EYS: variants seen among roughly 807,000 people sequenced by gnomAD.
EYS encodes protein eyes shut homolog.
A neutral mutation model predicts 282.1 loss-of-function variants in EYS; 250 were observed. The ratio of observed to expected loss-of-function variants is 0.89; its 90% CI spans 0.80 to 0.98. The LOEUF (loss-of-function observed/expected upper bound fraction) is 0.98, where lower values mean the gene tolerates loss of function less well. Among genes scored for constraint, EYS ranks in the 50% least tolerant of loss-of-function variants. EYS has a pLI of 0.00. For missense variants in EYS, 4,016 were observed against 3,709.0 expected, an observed-to-expected ratio of 1.08 and a Z score of -2.15; for synonymous variants, 1,355 against 1,282.9, an observed-to-expected ratio of 1.06 and a Z score of -1.20.
chr6:63,880,155 G>A (rs982158720), intron 35 of EYS, among the ~76,000 whole-genome samples: 2 of 152,110 alleles, frequency 1.3e-5, no homozygotes, highest in African/African-American at 4.8e-5. Flanking sequence ...TGTCTGTGAG[G>A]GTGTTGCCAA....
At chr6:65,400,604 C>A (rs1766455557) in intron 7 of EYS, among the ~76,000 whole-genome samples, 1 of 151,882 alleles carries the variant, frequency 6.6e-6, no homozygotes, top group Non-Finnish European at 1.5e-5. Context: ...AAATTAATTT[C>A]TTTCTAACTG....
intron 11 of EYS, among the ~76,000 whole-genome samples, chr6:65,325,497 G>A (rs1401359197): frequency 6.6e-6 from 1 of 152,012 alleles, no homozygotes; most frequent in African/African-American, 2.4e-5. Context: ...CATAAGTGAT[G>A]GCAGGAGGAT....
chr6:64,012,156 A>G (rs891968820), intron 33 of EYS, among the ~76,000 whole-genome samples: 6 of 152,174 alleles, frequency 3.9e-5, no homozygotes, highest in Admixed American at 2.6e-4. Context: ...TAATAACTTG[A>G]ATTTCTGACC....
chr6:64,333,633 C>T (rs1422571590), intron 29 of EYS, among the ~76,000 whole-genome samples: 1 of 152,154 alleles, frequency 6.6e-6, no homozygotes, highest in Non-Finnish European at 1.5e-5. Flanking sequence ...ATAAGGGCTA[C>T]TAACCTTTGA....
chr6:65,559,865 G>A (rs1768969024), intron 2 of EYS, among the ~76,000 whole-genome samples: 1 of 151,608 alleles, frequency 6.6e-6, no homozygotes, highest in African/African-American at 2.4e-5. Flanking sequence ...TACCTTTCAA[G>A]CAGCATTAAT....
At chr6:64,095,605 T>A (rs1230692365) in intron 31 of EYS, among the ~76,000 whole-genome samples, 1 of 151,916 alleles carries the variant, frequency 6.6e-6, no homozygotes, top group Non-Finnish European at 1.5e-5. Flanking sequence ...TCCATTTGCT[T>A]GGTAGATCTT....
At chr6:65,635,378 A>G (rs868489274) in intron 2 of EYS, among the ~76,000 whole-genome samples, 1 of 152,282 alleles carries the variant, frequency 6.6e-6, no homozygotes, top group Middle Eastern at 3.4e-3. Context: ...AGTAAAAGAG[A>G]TCTGATTTAA....
At chr6:64,224,970 G>A (rs890298924) in intron 31 of EYS, among the ~76,000 whole-genome samples, 1 of 151,912 alleles carries the variant, frequency 6.6e-6, no homozygotes, top group Non-Finnish European at 1.5e-5. Flanking sequence ...ACAGGCAGTG[G>A]GTTAGCATAT....
intron 8 of EYS, among the ~76,000 whole-genome samples, chr6:65,361,220 G>C (rs977870981): frequency 1.3e-5 from 2 of 152,046 alleles, no homozygotes; most frequent in African/African-American, 4.8e-5. Flanking sequence ...GTGAGGTGGG[G>C]AGTGGGGGAG....
At chr6:63,976,513 G>T (rs1766844027) in intron 35 of EYS, among the ~76,000 whole-genome samples, 1 of 151,936 alleles carries the variant, frequency 6.6e-6, no homozygotes, top group African/African-American at 2.4e-5. Context: ...AATACAGACT[G>T]GTAGAAAACA....
intron 26 of EYS, among the ~76,000 whole-genome samples, chr6:64,477,535 T>C (rs1324459578): frequency 6.6e-6 from 1 of 152,160 alleles, no homozygotes; most frequent in East Asian, 1.9e-4. Flanking sequence ...ATGCTTCCTT[T>C]TCTTTCCACA....
intron 2 of EYS, among the ~76,000 whole-genome samples, chr6:65,545,867 G>T (rs1019586930): frequency 1.3e-5 from 2 of 152,088 alleles, no homozygotes; most frequent in Non-Finnish European, 2.9e-5. Context: ...GATTATACAA[G>T]ATTTGATGCT....
chr6:64,010,645 G>C (rs1434730441), intron 33 of EYS, among the ~76,000 whole-genome samples: 1 of 152,038 alleles, frequency 6.6e-6, no homozygotes, highest in Non-Finnish European at 1.5e-5. Flanking sequence ...TTGAATGGGA[G>C]GTATGTTTCT....
intron 35 of EYS, among the ~76,000 whole-genome samples, chr6:63,940,092 T>G (rs1423743371): frequency 6.6e-6 from 1 of 152,204 alleles, no homozygotes; most frequent in Non-Finnish European, 1.5e-5. Context: ...AAAACTGATC[T>G]CCTGTGGTTC....
At chr6:64,546,366 T>C (rs1372744607) in intron 26 of EYS, among the ~76,000 whole-genome samples, 2 of 152,166 alleles carry the variant, frequency 1.3e-5, no homozygotes, top group African/African-American at 4.8e-5. Context: ...TATACAAAAA[T>C]TAATTCACGT....
chr6:65,465,462 G>C (rs998204001), intron 5 of EYS, among the ~76,000 whole-genome samples: 1 of 151,862 alleles, frequency 6.6e-6, no homozygotes, highest in Non-Finnish European at 1.5e-5. Flanking sequence ...GGGTGACAGA[G>C]TGAGGCTCTG....
chr6:65,412,300 C>G (rs2150370693), intron 5 of EYS, among the ~76,000 whole-genome samples: 1 of 152,212 alleles, frequency 6.6e-6, no homozygotes, highest in African/African-American at 2.4e-5. Context: ...ACAAATAAAG[C>G]TACCACGAAT....
intron 13 of EYS, among the ~76,000 whole-genome samples, chr6:65,028,414 G>C (rs1772488766): frequency 6.6e-6 from 1 of 151,848 alleles, no homozygotes; most frequent in Admixed American, 6.6e-5. Context: ...AATTACTGCA[G>C]TATGTGTTTT....
At chr6:65,233,821 G>A (rs962922727) in intron 12 of EYS, among the ~76,000 whole-genome samples, 1 of 152,128 alleles carries the variant, frequency 6.6e-6, no homozygotes, top group Non-Finnish European at 1.5e-5. Context: ...TAAGCTCCTT[G>A]TGTCTATGAG....
Sources: gnomAD v4.1 joint callset for allele counts (sites outside exome capture counted in the v4.1 genomes callset) on GRCh38, gnomAD v4.1.1 for gene constraint, MANE v1.5 for transcripts, NCBI Gene and HGNC (gene_info 2026-07-23, HGNC 2026-07-21) for gene names.